Variants in ARMC2 observed in about 807,000 individuals in gnomAD.
The protein encoded by ARMC2 is armadillo repeat containing 2, also known as armadillo repeat-containing protein 2.
Under a neutral mutation model 90.3 loss-of-function variants are expected in ARMC2, and 67 were observed. That is an observed-to-expected ratio of 0.74 (90% CI 0.61 to 0.91). The LOEUF (loss-of-function observed/expected upper bound fraction) is 0.91, where lower values mean the gene tolerates loss of function less well. Ranked by LOEUF, ARMC2 falls within the 40% of genes least tolerant of loss-of-function variation. ARMC2 has a pLI of 0.00. For missense variants in ARMC2, 920 were observed against 1,030.9 expected (o/e 0.89, Z 1.47); for synonymous variants, 393 against 393.0 (o/e 1.00, Z 0.00).
chr6:108,957,248 CAG>C (rs1430516837), intron 13 of ARMC2, among the ~76,000 whole-genome samples: 1 of 152,232 alleles, frequency 6.6e-6, no homozygotes, highest in African/African-American at 2.4e-5. Flanking sequence ...TCACCCCTGA[CAG>C]GGGGTCACCC....
chr6:108,869,275 A>C (rs976809075), intron 4 of ARMC2, among the ~76,000 whole-genome samples: 1 of 152,232 alleles, frequency 6.6e-6, no homozygotes, highest in Non-Finnish European at 1.5e-5. Flanking sequence ...TGGGAGGCCA[A>C]AGCGGCCAGA....
chr6:108,973,364 A>C lies in ARMC2; in HGVS notation c.2454A>C (p.Glu818Asp), dbSNP rs1274513955. 2 of 1,612,198 alleles carry C rather than the reference A, an allele frequency of 1.2e-6. No homozygotes were observed. Among genetic ancestry groups the C allele is most frequent in the East Asian group, 4.5e-5 (2 of 44,872 alleles). Residue 818 changes from glutamate (E) to aspartate (D), a missense_variant, in exon 18 of 18, where the codon GAA (glutamate) becomes GAC (aspartate). Physicochemically the swap from Glu to Asp is conservative, Grantham distance 45. Transcript: ENST00000392644. ...LLLLSSFLDE[E>D]LALDGSFDPD... ...TAAATTTTTCTAATACAGATGAAGAACTAGCACTGGATGGCAGTTTTGATC... is the reference window on the plus strand; with the variant it reads ...TAAATTTTTCTAATACAGATGAAGACCTAGCACTGGATGGCAGTTTTGATC...
chr6:108,944,539 T>C (rs1302066638), intron 12 of ARMC2, among the ~76,000 whole-genome samples: 1 of 152,186 alleles, frequency 6.6e-6, no homozygotes, highest in Admixed American at 6.5e-5. Flanking sequence ...GAGGGTGCCT[T>C]CAGTTCAGTT....
At chr6:108,854,067 T>A (rs1165786334) in intron 1 of ARMC2, among the ~76,000 whole-genome samples, 158 bp from the exon 2 acceptor site, 1 of 152,054 alleles carries the variant, frequency 6.6e-6, no homozygotes, top group Admixed American at 6.5e-5. Flanking sequence ...CTCTCTACAT[T>A]TTTGAGAGCT....
chr6:109,002,595 GAA>G, the ARMC2 span, among the ~76,000 whole-genome samples: 1 of 152,166 alleles, frequency 6.6e-6, no homozygotes, highest in Non-Finnish European at 1.5e-5. Flanking sequence ...GTACTTGGCA[GAA>G]AGTCTAGAAC....
the ARMC2 span, among the ~76,000 whole-genome samples, chr6:109,006,974 T>C: frequency 6.6e-6 from 1 of 152,206 alleles, no homozygotes; most frequent in Non-Finnish European, 1.5e-5. Context: ...CACCAACAAA[T>C]GGCCTTGTTG....
At chr6:108,984,935 T>C in the ARMC2 span, among the ~76,000 whole-genome samples, 2 of 152,158 alleles carry the variant, frequency 1.3e-5, no homozygotes, top group African/African-American at 4.8e-5. Flanking sequence ...CACAAAGATA[T>C]TCTGGCCCAT....
chr6:108,894,301 G>GAA (rs1771379725), intron 5 of ARMC2, among the ~76,000 whole-genome samples, 166 bp from the exon 6 acceptor site: 1 of 152,216 alleles, frequency 6.6e-6, no homozygotes, highest in East Asian at 1.9e-4. Flanking sequence ...AGGAGTTTGA[G>GAA]GCTGCAGTGA....
intron 15 of ARMC2, 139 bp downstream of exon 15, chr6:108,962,266 C>T (rs1778052672): frequency 1.4e-6 from 1 of 731,670 alleles, no homozygotes; most frequent in South Asian, 1.7e-5. Context: ...AGGCTCCTGG[C>T]TCAGGATGCC....
chr6:108,964,144 C>T (rs752268519), intron 15 of ARMC2, 36 bp from the exon 16 acceptor site: 18 of 1,593,574 alleles, frequency 1.1e-5, no homozygotes, highest in Non-Finnish European at 1.5e-5. Context: ...GAATCCTGAA[C>T]TTTTACTGGT....
chr6:108,919,634 A>G (rs1309251904), intron 10 of ARMC2, among the ~76,000 whole-genome samples: 1 of 152,224 alleles, frequency 6.6e-6, no homozygotes, highest in Admixed American at 6.5e-5. Context: ...TAATTAAGGT[A>G]TAATCTACAT....
the ARMC2 span, among the ~76,000 whole-genome samples, chr6:109,023,093 T>C: frequency 2.0e-5 from 3 of 152,176 alleles, no homozygotes; most frequent in African/African-American, 7.2e-5. Flanking sequence ...CTCCAGCAAA[T>C]CTGAACTGGT....
intron 11 of ARMC2, among the ~76,000 whole-genome samples, chr6:108,932,942 A>G (rs1775694553): frequency 6.6e-6 from 1 of 152,120 alleles, no homozygotes; most frequent in Admixed American, 6.5e-5. Flanking sequence ...TTGTACCAGT[A>G]CCATGCTGTT....
At position 108,929,078 on chromosome 6, in the gene ARMC2, T is replaced by C. The variant is rs190208119; in HGVS notation, c.1496+845T>C. 9.9e-4 allele frequency among the ~76,000 whole-genome samples: 151 copies of C among 152,226 alleles called. No individual in the cohort carries two copies. In the East Asian group the frequency reaches 0.023, roughly 23 times the overall value. ...TGGAGGCTTGGGGTCTCGACAATCA[T>C]GTTACCCAGGCAGTAAGCATAGTAC... On this transcript the variant is annotated intron_variant, in intron 11 of 17. Coordinates refer to ENST00000392644, the MANE Select transcript of ARMC2 (RefSeq NM_032131.6).
chr6:109,026,495 G>A, the ARMC2 span, among the ~76,000 whole-genome samples: 1 of 152,082 alleles, frequency 6.6e-6, no homozygotes, highest in Non-Finnish European at 1.5e-5. Context: ...TATAATAGGT[G>A]TAGGTTTAAC....
chr6:108,998,844 A>G, the ARMC2 span: 1 of 1,399,680 alleles, frequency 7.1e-7, no homozygotes, highest in African/African-American at 1.4e-5. Context: ...TATTGAAAAC[A>G]TGAGTCATCA....
At chr6:108,867,229 C>A (rs1472588442) in intron 3 of ARMC2, among the ~76,000 whole-genome samples, 1 of 152,132 alleles carries the variant, frequency 6.6e-6, no homozygotes, top group African/African-American at 2.4e-5. Context: ...GATAAGACCA[C>A]CAGGCAACTG....
chr6:108,893,861 T>C (rs1178686752), intron 5 of ARMC2, among the ~76,000 whole-genome samples: 1 of 151,900 alleles, frequency 6.6e-6, no homozygotes, highest in East Asian at 1.9e-4. Context: ...CTACTAAAAA[T>C]ACAAAAATTA....
the ARMC2 span, among the ~76,000 whole-genome samples, chr6:108,993,271 T>TA: frequency 6.6e-6 from 1 of 152,148 alleles, no homozygotes; most frequent in African/African-American, 2.4e-5. Context: ...ATTTAGCACT[T>TA]AGATTATTTT....
Sources: gnomAD v4.1 joint callset for allele counts (sites outside exome capture counted in the v4.1 genomes callset) on GRCh38, gnomAD v4.1.1 for gene constraint, MANE v1.5 for transcripts, NCBI Gene and HGNC (gene_info 2026-07-23, HGNC 2026-07-21) for gene names.